Variants in ZSCAN25 observed in about 807,000 individuals in gnomAD.
The protein encoded by ZSCAN25 is zinc finger and SCAN domain-containing protein 25.
A neutral mutation model predicts 38.7 loss-of-function variants in ZSCAN25; 27 were observed. That is an observed-to-expected ratio of 0.70 (90% CI 0.51 to 0.96). The LOEUF is 0.96. Ranked by LOEUF, ZSCAN25 falls within the 40% of genes least tolerant of loss-of-function variation. The probability of loss-of-function intolerance (pLI) is 0.00; values close to 1 mark genes in which losing one functional copy is unlikely to be tolerated. For missense variants in ZSCAN25, 637 were observed against 705.9 expected (o/e 0.90, Z 1.11); for synonymous variants, 273 against 277.7 (o/e 0.98, Z 0.17).
chr7:99,640,276 A>G, the ZSCAN25 span, among the ~76,000 whole-genome samples: 7 of 152,220 alleles, frequency 4.6e-5, no homozygotes, highest in Admixed American at 4.6e-4. Context: ...CTCCTGTCTC[A>G]GCCCCCAGAG....
the ZSCAN25 span, among the ~76,000 whole-genome samples, chr7:99,724,226 A>G: frequency 6.6e-6 from 1 of 152,118 alleles, no homozygotes; most frequent in Non-Finnish European, 1.5e-5. Flanking sequence ...CCTTTGACTA[A>G]CACCTGACCT....
the ZSCAN25 span, among the ~76,000 whole-genome samples, chr7:99,682,476 A>G: frequency 6.6e-6 from 1 of 152,018 alleles, no homozygotes; most frequent in African/African-American, 2.4e-5. Flanking sequence ...ATTCTATTTC[A>G]TTGGTCTGTG....
the ZSCAN25 span, among the ~76,000 whole-genome samples, chr7:99,702,400 T>A: frequency 6.6e-6 from 1 of 152,170 alleles, no homozygotes; most frequent in Non-Finnish European, 1.5e-5. Flanking sequence ...CAGATTTCAG[T>A]CTTTCATCCA....
chr7:99,638,722 C>A, the ZSCAN25 span: 1 of 1,284,332 alleles, frequency 7.8e-7, no homozygotes, highest in South Asian at 1.2e-5. Flanking sequence ...CATGAGGATC[C>A]ACATTTCCTT....
chr7:99,638,662 AGCTTC>A, the ZSCAN25 span: 1 of 1,566,026 alleles, frequency 6.4e-7, no homozygotes, highest in Non-Finnish European at 8.8e-7. Context: ...CGACTGGCCC[AGCTTC>A]AACATTTACA....
the ZSCAN25 span, among the ~76,000 whole-genome samples, chr7:99,682,321 C>T: frequency 2.0e-5 from 3 of 152,198 alleles, no homozygotes; most frequent in Non-Finnish European, 4.4e-5. Flanking sequence ...TGGTGAGATA[C>T]AGGGTTCTAG....
chr7:99,709,564 G>A, the ZSCAN25 span, among the ~76,000 whole-genome samples: 1 of 152,120 alleles, frequency 6.6e-6, no homozygotes, highest in South Asian at 2.1e-4. Flanking sequence ...ATGACTAATA[G>A]GCTATGACCA....
At chr7:99,697,634 T>C in the ZSCAN25 span, among the ~76,000 whole-genome samples, 3 of 152,184 alleles carry the variant, frequency 2.0e-5, no homozygotes, top group Non-Finnish European at 4.4e-5. Flanking sequence ...TCTTCTATAA[T>C]GGGTAGCACT....
chr7:99,624,752 G>GA (rs1296215625), intron 7 of ZSCAN25, among the ~76,000 whole-genome samples: 2 of 152,150 alleles, frequency 1.3e-5, no homozygotes, highest in Admixed American at 6.5e-5. Context: ...AGCCTGGGGG[G>GA]ATGCGGCCAT....
the ZSCAN25 span, among the ~76,000 whole-genome samples, chr7:99,708,843 T>G: frequency 6.6e-6 from 1 of 152,312 alleles, no homozygotes; most frequent in African/African-American, 2.4e-5. Flanking sequence ...GGACTGTGAC[T>G]GGCTATAGTT....
the ZSCAN25 span, chr7:99,672,930 A>G: frequency 7.8e-7 from 1 of 1,275,008 alleles, no homozygotes; most frequent in Non-Finnish European, 9.9e-7. Flanking sequence ...AAGACAAAAG[A>G]GCTCTTTAAA....
chr7:99,689,830 C>G, the ZSCAN25 span, among the ~76,000 whole-genome samples: 2 of 152,202 alleles, frequency 1.3e-5, no homozygotes, highest in South Asian at 4.1e-4. Flanking sequence ...TCATTCCGTG[C>G]TCATGGGTAG....
the ZSCAN25 span, chr7:99,710,851 T>G: frequency 6.2e-7 from 1 of 1,613,622 alleles, no homozygotes; most frequent in Non-Finnish European, 8.5e-7. Flanking sequence ...CCAGCAAAAA[T>G]AAAGATAATT....
At chr7:99,718,563 A>G in the ZSCAN25 span, among the ~76,000 whole-genome samples, 1 of 152,296 alleles carries the variant, frequency 6.6e-6, no homozygotes, top group South Asian at 2.1e-4. Context: ...ATCTACAAAA[A>G]AACCCACTTC....
chr7:99,709,659 T>C, the ZSCAN25 span, among the ~76,000 whole-genome samples: 3 of 152,104 alleles, frequency 2.0e-5, no homozygotes, highest in East Asian at 1.9e-4. Flanking sequence ...TGAAAACAGA[T>C]AGAAAAAGCA....
chr7:99,696,535 T>G, the ZSCAN25 span, among the ~76,000 whole-genome samples: 1 of 152,174 alleles, frequency 6.6e-6, no homozygotes, highest in African/African-American at 2.4e-5. Context: ...CACCTCAGTC[T>G]CTGTGGCCAG....
the ZSCAN25 span, chr7:99,708,033 A>G: frequency 6.2e-7 from 1 of 1,612,104 alleles, no homozygotes; most frequent in Non-Finnish European, 8.5e-7. Context: ...TAAGAGTTAC[A>G]TGTTAGGGTT....
chr7:99,717,752 A>C, the ZSCAN25 span: 2 of 1,326,904 alleles, frequency 1.5e-6, no homozygotes, highest in Non-Finnish European at 2.1e-6. Flanking sequence ...GTGACTGTCT[A>C]CTAAGTGACA....
the ZSCAN25 span, among the ~76,000 whole-genome samples, chr7:99,728,124 C>T: frequency 1.3e-5 from 2 of 152,198 alleles, no homozygotes; most frequent in African/African-American, 4.8e-5. Context: ...AAGTTTCCAT[C>T]TATCAATCCC....
Sources: allele counts gnomAD v4.1 joint callset (sites outside exome capture counted in the v4.1 genomes callset), GRCh38; gene constraint gnomAD v4.1.1; transcripts MANE v1.5; gene names NCBI Gene and HGNC (gene_info 2026-07-23, HGNC 2026-07-21).